TBC1D22A: variants seen among roughly 807,000 people sequenced by gnomAD.
TBC1D22A encodes the protein TBC1 domain family member 22A, also known as putative GTPase activator.
A neutral mutation model predicts 60.2 loss-of-function variants in TBC1D22A; 38 were observed. The observed-to-expected ratio is 0.63, with a 90% CI of 0.49 to 0.83. TBC1D22A has a LOEUF of 0.83. TBC1D22A is among the 40% of genes least tolerant of loss of function. The pLI is 0.00. For missense variants in TBC1D22A, 628 were observed against 701.0 expected, an observed-to-expected ratio of 0.90 and a Z score of 1.18; for synonymous variants, 302 against 281.7, an observed-to-expected ratio of 1.07 and a Z score of -0.72.
intron 12 of TBC1D22A, among the ~76,000 whole-genome samples, chr22:47,131,706 C>T (rs1334883077): frequency 6.6e-6 from 1 of 152,242 alleles, no homozygotes; most frequent in African/African-American, 2.4e-5. Context: ...TCTTGCCTCA[C>T]TCTGCAGTGA....
chr22:47,003,497 T>TAC (rs199773126), intron 10 of TBC1D22A, among the ~76,000 whole-genome samples: 1 of 125,446 alleles, frequency 8.0e-6, no homozygotes, highest in African/African-American at 3.1e-5. Flanking sequence ...CACATGCCTG[T>TAC]ACACACACAC....
chr22:46,960,006 C>T (rs544615736), intron 8 of TBC1D22A, among the ~76,000 whole-genome samples: 192 of 152,270 alleles, frequency 1.3e-3, no homozygotes, highest in Admixed American at 3.2e-3. Context: ...AGCTAAGAGC[C>T]CTGGTTCCTT....
chr22:47,053,089 C>T lies in TBC1D22A; in HGVS notation c.1329+15891C>T, dbSNP rs942138457. Among the ~76,000 whole-genome samples, 11 of 152,286 alleles carry T rather than the reference C, an allele frequency of 7.2e-5. No homozygotes were observed. In the East Asian group the frequency reaches 1.9e-3, roughly 27 times the overall value. On this transcript the variant is annotated intron_variant, in intron 11 of 12. Coordinates refer to ENST00000337137, the MANE Select transcript of TBC1D22A (RefSeq NM_014346.5). ...TGTGTGTGAGTGCTGCCCCAAGCAT[C>T]GTGCCCACCACCAGCCCAGGGCCTC...
chr22:47,025,523 G>C (rs1342897191), intron 10 of TBC1D22A, among the ~76,000 whole-genome samples: 2 of 152,184 alleles, frequency 1.3e-5, no homozygotes, highest in African/African-American at 4.8e-5. Context: ...AGAAACAAAA[G>C]GGAAATGAGA....
chr22:47,134,663 C>T (rs570811939), intron 12 of TBC1D22A, among the ~76,000 whole-genome samples: 66 of 151,962 alleles, frequency 4.3e-4, no homozygotes, highest in African/African-American at 1.3e-3. Context: ...CACCCACCCA[C>T]GAGGCTGCGT....
chr22:47,154,776 C>G (rs986291408), intron 12 of TBC1D22A, among the ~76,000 whole-genome samples: 5 of 152,238 alleles, frequency 3.3e-5, no homozygotes, highest in African/African-American at 4.8e-5. Context: ...GCTGCTCTTC[C>G]CCTCCCCACT....
At chr22:46,830,921 T>G (rs1338735698) in intron 4 of TBC1D22A, among the ~76,000 whole-genome samples, 2 of 151,994 alleles carry the variant, frequency 1.3e-5, no homozygotes, top group African/African-American at 4.8e-5. Flanking sequence ...AGAAAAGCTT[T>G]AAGAGGTATC....
At chr22:47,000,121 T>C (rs1377710274) in intron 10 of TBC1D22A, among the ~76,000 whole-genome samples, 1 of 152,166 alleles carries the variant, frequency 6.6e-6, no homozygotes, top group Non-Finnish European at 1.5e-5. Flanking sequence ...GGAAAACATC[T>C]TCATGGACTC....
chr22:47,076,947 C>T (rs1603241415), intron 11 of TBC1D22A, among the ~76,000 whole-genome samples: 1 of 152,110 alleles, frequency 6.6e-6, no homozygotes, highest in East Asian at 1.9e-4. Context: ...ATGTCAGTAT[C>T]CCAGCTAGCA....
At position 46,865,646 on chromosome 22, in the gene TBC1D22A, A is replaced by T. The variant is rs137909503; in HGVS notation, c.638-13007A>T. On this transcript the variant is annotated intron_variant, in intron 4 of 12. Coordinates refer to ENST00000337137, the MANE Select transcript of TBC1D22A (RefSeq NM_014346.5). ...CAGCTGTGATTTGTCTTGTCTGCGC[A>T]CATCCAGATTCCCCTGCACAGGCAT... Among the ~76,000 whole-genome samples, 260 of 152,316 alleles carry T rather than the reference A, an allele frequency of 1.7e-3. 2 individuals are homozygous for T. Among genetic ancestry groups the T allele is most frequent in the African/African-American group, 6.1e-3 (254 of 41,572 alleles).
chr22:46,897,643 T>G (rs1228184431), intron 7 of TBC1D22A, among the ~76,000 whole-genome samples: 10 of 119,336 alleles, frequency 8.4e-5, no homozygotes, highest in African/African-American at 3.1e-4. Context: ...TCGTTTTGTT[T>G]TTTTTTGTGT....
intron 8 of TBC1D22A, among the ~76,000 whole-genome samples, chr22:46,918,343 G>A (rs1009073076): frequency 2.0e-5 from 3 of 152,176 alleles, no homozygotes; most frequent in Admixed American, 1.3e-4. Context: ...AAGCTTTCCT[G>A]GAACCCACAC....
rs1309227849 is a variant in TBC1D22A, at chr22:46,928,051, CT to C, written c.1015+15865del. 2.0e-5 allele frequency among the ~76,000 whole-genome samples: 3 copies of C among 151,616 alleles called. No homozygotes were observed. The South Asian group carries it at 6.2e-4, about 31-fold the overall frequency. The stretch of plus-strand genomic sequence containing the variant: ...TCCCTATCAAAAGCCTAAATGGCTT[CT>C]TAGCAGAAATTGTCGAGCTTATCTT... On this transcript the variant is annotated intron_variant, in intron 8 of 12. Coordinates refer to ENST00000337137, the MANE Select transcript of TBC1D22A (RefSeq NM_014346.5).
intron 12 of TBC1D22A, among the ~76,000 whole-genome samples, chr22:47,135,155 C>T (rs1006618673): frequency 6.6e-6 from 1 of 152,186 alleles, no homozygotes; most frequent in African/African-American, 2.4e-5. Context: ...TCTTCCCTGA[C>T]AAGAGTGGTG....
chr22:46,904,046 A>G (rs1487646280), intron 7 of TBC1D22A, among the ~76,000 whole-genome samples: 2 of 152,088 alleles, frequency 1.3e-5, no homozygotes, highest in Non-Finnish European at 2.9e-5. Context: ...AATCTGTCAT[A>G]TATATGTATA....
chr22:46,959,381 G>A (rs565030781), intron 8 of TBC1D22A, among the ~76,000 whole-genome samples: 1 of 152,322 alleles, frequency 6.6e-6, no homozygotes, highest in South Asian at 2.1e-4. Flanking sequence ...AGGTTGGTTG[G>A]CGGGGCCAGG....
intron 4 of TBC1D22A, among the ~76,000 whole-genome samples, chr22:46,832,412 A>G (rs1441882350): frequency 1.3e-5 from 2 of 152,204 alleles, no homozygotes; most frequent in African/African-American, 4.8e-5. Flanking sequence ...GCACTTTGAG[A>G]GGCTGAAGTG....
chr22:47,166,934 C>T (rs1452397665), intron 12 of TBC1D22A, among the ~76,000 whole-genome samples: 1 of 152,254 alleles, frequency 6.6e-6, no homozygotes, highest in East Asian at 1.9e-4. Context: ...AGCAGAGCTC[C>T]AGCACCAGGC....
chr22:47,087,126 T>G (rs1288706744), intron 11 of TBC1D22A, among the ~76,000 whole-genome samples: 1 of 152,240 alleles, frequency 6.6e-6, no homozygotes, highest in East Asian at 1.9e-4. Context: ...ACTTACCTGT[T>G]GATTGGTTGG....
Sources: allele counts gnomAD v4.1 joint callset (sites outside exome capture counted in the v4.1 genomes callset), GRCh38; gene constraint gnomAD v4.1.1; transcripts MANE v1.5; gene names NCBI Gene and HGNC (gene_info 2026-07-23, HGNC 2026-07-21).